CACNG2: variants seen among roughly 807,000 people sequenced by gnomAD.
CACNG2 encodes voltage-dependent calcium channel gamma-2 subunit.
A neutral mutation model predicts 25.9 loss-of-function variants in CACNG2; 3 were observed. That is an observed-to-expected ratio of 0.12 (90% confidence interval 0.05 to 0.30). The LOEUF (loss-of-function observed/expected upper bound fraction) is 0.30, where lower values mean the gene tolerates loss of function less well. Ranked by LOEUF, CACNG2 falls within the 10% of genes least tolerant of loss-of-function variation. The probability of loss-of-function intolerance (pLI) is 1.00; values close to 1 mark genes in which losing one functional copy is unlikely to be tolerated. For missense variants in CACNG2, 341 were observed against 432.5 expected (o/e 0.79, Z 1.88); for synonymous variants, 167 against 173.3 (o/e 0.96, Z 0.29).
At chr22:36,641,062 C>T (rs930493879) in intron 1 of CACNG2, among the ~76,000 whole-genome samples, 4 of 152,208 alleles carry the variant, frequency 2.6e-5, no homozygotes, top group African/African-American at 9.7e-5. Context: ...GGCTGATTTT[C>T]TTCAGGGCTC....
intron 2 of CACNG2, among the ~76,000 whole-genome samples, chr22:36,571,801 C>T (rs113627739): frequency 1.3e-4 from 19 of 149,946 alleles, no homozygotes; most frequent in African/African-American, 2.0e-4. Flanking sequence ...CGCTTGAACG[C>T]GGGAGGCAGA....
intron 1 of CACNG2, among the ~76,000 whole-genome samples, chr22:36,607,528 G>C (rs575945176): frequency 6.6e-6 from 1 of 152,314 alleles, no homozygotes; most frequent in Middle Eastern, 3.4e-3. Context: ...ACAGATGTGA[G>C]CCACTGCACC....
intron 2 of CACNG2, among the ~76,000 whole-genome samples, chr22:36,572,338 G>A (rs1305367739): frequency 6.6e-6 from 1 of 152,174 alleles, no homozygotes; most frequent in Non-Finnish European, 1.5e-5. Flanking sequence ...ATCTTTGCTG[G>A]CCATATGGTC....
chr22:36,641,876 G>A (rs1601431751), intron 1 of CACNG2, among the ~76,000 whole-genome samples: 1 of 152,172 alleles, frequency 6.6e-6, no homozygotes, highest in East Asian at 1.9e-4. Context: ...TCTCAGAAAT[G>A]AATTTTTATT....
intron 1 of CACNG2, among the ~76,000 whole-genome samples, chr22:36,646,120 T>C (rs1236690210): frequency 6.6e-6 from 1 of 152,220 alleles, no homozygotes; most frequent in African/African-American, 2.4e-5. Flanking sequence ...TAAAGATTTC[T>C]GTGAAATATT....
intron 1 of CACNG2, among the ~76,000 whole-genome samples, chr22:36,634,430 C>T (rs1307047030): frequency 6.6e-6 from 1 of 152,172 alleles, no homozygotes; most frequent in African/African-American, 2.4e-5. Flanking sequence ...AGGCATATGT[C>T]CCTGAATCAA....
At chr22:36,643,705 C>A (rs949144611) in intron 1 of CACNG2, among the ~76,000 whole-genome samples, 1 of 152,124 alleles carries the variant, frequency 6.6e-6, no homozygotes, top group African/African-American at 2.4e-5. Flanking sequence ...TCCCTGACAG[C>A]CAAAGCAGAG....
chr22:36,691,133 G>A (rs568394599), intron 1 of CACNG2, among the ~76,000 whole-genome samples: 1 of 152,290 alleles, frequency 6.6e-6, no homozygotes, highest in Non-Finnish European at 1.5e-5. Flanking sequence ...TGATCTAGAG[G>A]AAGACACAGG....
At chr22:36,566,571 C>G (rs907539982) in intron 2 of CACNG2, 78 bp from the exon 3 acceptor site, 2 of 1,514,778 alleles carry the variant, frequency 1.3e-6, no homozygotes, top group Non-Finnish European at 1.8e-6. Flanking sequence ...GGTGGGAGAG[C>G]AGCCCCGAGG....
At chr22:36,681,549 G>T (rs202039330) in intron 1 of CACNG2, among the ~76,000 whole-genome samples, 321 of 16,648 alleles carry the variant, frequency 0.019, 1 homozygote, top group African/African-American at 0.14. Flanking sequence ...TCCATTTTTT[G>T]GGGGGCAGCC....
chr22:36,603,046 A>T (rs1290321659), intron 1 of CACNG2, among the ~76,000 whole-genome samples: 1 of 152,280 alleles, frequency 6.6e-6, no homozygotes, highest in African/African-American at 2.4e-5. Context: ...ACAAGCTGAA[A>T]GCTAGGCCTC....
chr22:36,603,648 C>T (rs193224321), intron 1 of CACNG2, among the ~76,000 whole-genome samples: 11 of 152,220 alleles, frequency 7.2e-5, no homozygotes, highest in Non-Finnish European at 1.6e-4. Flanking sequence ...AATTTTAGAG[C>T]CCTTAAGAAG....
At chr22:36,589,460 G>T (rs538286403) in intron 1 of CACNG2, among the ~76,000 whole-genome samples, 1 of 152,170 alleles carries the variant, frequency 6.6e-6, no homozygotes, top group Non-Finnish European at 1.5e-5. Flanking sequence ...TACGTACTAC[G>T]TAGGAATATA....
At chr22:36,620,919 C>T (rs1349726620) in intron 1 of CACNG2, among the ~76,000 whole-genome samples, 1 of 152,232 alleles carries the variant, frequency 6.6e-6, no homozygotes, top group Non-Finnish European at 1.5e-5. Flanking sequence ...TTCCCTGCTT[C>T]TGGAAATCTA....
chr22:36,688,937 C>T (rs533676263), intron 1 of CACNG2, among the ~76,000 whole-genome samples: 2 of 152,326 alleles, frequency 1.3e-5, no homozygotes, highest in Admixed American at 6.5e-5. Context: ...AAGTGCTCCA[C>T]TCTCTCCTTG....
intron 1 of CACNG2, among the ~76,000 whole-genome samples, chr22:36,605,615 G>A (rs1301850555): frequency 6.6e-6 from 1 of 152,204 alleles, no homozygotes; most frequent in Non-Finnish European, 1.5e-5. Context: ...AAAATGAGGA[G>A]TCAGTTAAAC....
intron 1 of CACNG2, among the ~76,000 whole-genome samples, chr22:36,613,269 T>A (rs1422777612): frequency 6.6e-6 from 1 of 152,000 alleles, no homozygotes; most frequent in Non-Finnish European, 1.5e-5. Context: ...AATCTTGGAT[T>A]TCACACCTGT....
chr22:36,669,508 CAAAAA>C (rs1157379465), intron 1 of CACNG2, among the ~76,000 whole-genome samples: 2,088 of 61,670 alleles, frequency 0.034, 25 homozygotes, highest in South Asian at 0.052. Context: ...ACTCTATCTC[CAAAAA>C]AAAAAAAAAA....
At chr22:36,694,715 G>C (rs1200160208) in intron 1 of CACNG2, among the ~76,000 whole-genome samples, 1 of 152,120 alleles carries the variant, frequency 6.6e-6, no homozygotes, top group African/African-American at 2.4e-5. Flanking sequence ...TCCCCTGGAG[G>C]GTCTTGGAAG....
Sources: gnomAD v4.1 joint callset for allele counts (sites outside exome capture counted in the v4.1 genomes callset) on GRCh38, gnomAD v4.1.1 for gene constraint, MANE v1.5 for transcripts, NCBI Gene and HGNC (gene_info 2026-07-23, HGNC 2026-07-21) for gene names.